CRAMP1: variants seen among roughly 807,000 people sequenced by gnomAD.
CRAMP1 encodes the protein cramped chromatin regulator 1, also known as protein cramped-like.
In CRAMP1, 50 loss-of-function variants were observed where a neutral mutation model predicts 115.4. The ratio of observed to expected loss-of-function variants is 0.43; its 90% CI spans 0.35 to 0.55. CRAMP1 has a LOEUF of 0.55. Among genes scored for constraint, CRAMP1 ranks in the 20% least tolerant of loss-of-function variants. The probability of loss-of-function intolerance (pLI) is 0.01; values close to 1 mark genes in which losing one functional copy is unlikely to be tolerated. For synonymous variants in CRAMP1, 866 were observed against 745.4 expected, an observed-to-expected ratio of 1.16 and a Z score of -2.64; for missense variants, 1,679 against 1,721.7, an observed-to-expected ratio of 0.98 and a Z score of 0.44.
chr16:1,613,118 G>C (rs557563809), intron 1 of CRAMP1, among the ~76,000 whole-genome samples: 21 of 152,144 alleles, frequency 1.4e-4, no homozygotes, highest in Non-Finnish European at 2.6e-4. Context: ...CCCGAGACGA[G>C]GTCTTTGGGG....
chr16:1,656,925 C>G lies in CRAMP1; in HGVS notation c.2168C>G (p.Ala723Gly). 6.4e-7 allele frequency: 1 copy of G among 1,558,464 alleles called. No individual in the cohort carries two copies. Among genetic ancestry groups the G allele is most frequent in the Non-Finnish European group, 8.7e-7 (1 of 1,151,642 alleles). The change falls in exon 10 of 21, where the codon GCC (alanine) becomes GGC (glycine). Residue 723 changes from alanine (A) to glycine (G), a missense_variant. Physicochemically the swap from Ala to Gly is moderately conservative, Grantham distance 60 (BLOSUM62 0). Around this residue, in one of 8 missense-constraint regions of CRAMP1, gnomAD observed 709 missense variants for 741.9 expected, o/e 0.96. Coordinates refer to ENST00000397412, the MANE Select transcript of CRAMP1 (RefSeq NM_020825.4). This position sits in a 1 kb window ranked among gnomAD's most constrained non-coding sequence, Gnocchi z 5.6. ...QDPRPGSLPT[A>G]LHKQRLLSCL... is the part of the protein sequence containing the mutation. Reference sequence around the variant, plus strand: ...CCCCGCCCCGGCTCCCTACCCACCGCCCTCCACAAGCAGCGCCTCCTCAGC... The same window carrying G: ...CCCCGCCCCGGCTCCCTACCCACCGGCCTCCACAAGCAGCGCCTCCTCAGC...
At chr16:1,615,500 A>G (rs2036411303) in intron 2 of CRAMP1, among the ~76,000 whole-genome samples, 1 of 152,164 alleles carries the variant, frequency 6.6e-6, no homozygotes, top group Non-Finnish European at 1.5e-5. Flanking sequence ...GAGAGTAGGA[A>G]GGGCATAGAG....
chr16:1,667,856 A>G (rs2036889230), intron 17 of CRAMP1, 106 bp from the exon 18 acceptor site: 2 of 694,460 alleles, frequency 2.9e-6, no homozygotes, highest in Non-Finnish European at 5.0e-6. Context: ...AGCGCTCATC[A>G]CCCTATTGAT....
intron 8 of CRAMP1, among the ~76,000 whole-genome samples, chr16:1,654,887 G>A (rs896914415): frequency 2.6e-5 from 4 of 152,232 alleles, no homozygotes; most frequent in Non-Finnish European, 4.4e-5. Context: ...AGGCCCGCCC[G>A]CCCTTGAAGC....
At chr16:1,663,029 C>T (rs1366023289) in intron 13 of CRAMP1, among the ~76,000 whole-genome samples, 194 bp downstream of exon 13, 1 of 152,226 alleles carries the variant, frequency 6.6e-6, no homozygotes, top group Non-Finnish European at 1.5e-5. Context: ...GGTAATCTTT[C>T]AATAACATGG....
At chr16:1,626,979 A>G (rs2036513379) in intron 3 of CRAMP1, among the ~76,000 whole-genome samples, 1 of 152,220 alleles carries the variant, frequency 6.6e-6, no homozygotes, top group Non-Finnish European at 1.5e-5. Context: ...GGCCCTGGCC[A>G]GCCACTGCTC....
chr16:1,644,928 C>A (rs945904562), intron 6 of CRAMP1, among the ~76,000 whole-genome samples: 5 of 152,054 alleles, frequency 3.3e-5, no homozygotes, highest in Non-Finnish European at 5.9e-5. Context: ...TCTCAAACTC[C>A]TGGGCTCAAG....
At chr16:1,650,775 G>T (rs1421983329) in intron 6 of CRAMP1, among the ~76,000 whole-genome samples, 1 of 152,246 alleles carries the variant, frequency 6.6e-6, no homozygotes, top group Non-Finnish European at 1.5e-5. Flanking sequence ...CCTGACGTGT[G>T]CAACTGGGAG....
Position 1,668,154 on chromosome 16 carries a change from G to A in CRAMP1, c.3295G>A (p.Asp1099Asn), listed in dbSNP as rs759832189. The A allele has an allele frequency of 5.0e-6, 8 of 1,613,508 alleles. No individual in the cohort carries two copies. Among genetic ancestry groups the A allele is most frequent in the East Asian group, 4.5e-5 (2 of 44,900 alleles). Residue 1099 changes from aspartate (D) to asparagine (N), a missense_variant, in exon 18 of 21, where the codon GAC becomes AAC. This residue lies in a region of CRAMP1 where 709 missense variants were observed against 741.9 expected (regional missense o/e 0.96). Coordinates refer to ENST00000397412, the MANE Select transcript of CRAMP1 (RefSeq NM_020825.4). ...SQGEPATHIS[D>N]SIIEIAISSG... ...GGGCGAGCCTGCCACACACATTAGC[G>A]ACTCCATCATTGAGATCGCCATCAG...
At chr16:1,641,764 G>A (rs550313828) in intron 6 of CRAMP1, among the ~76,000 whole-genome samples, 4 of 152,266 alleles carry the variant, frequency 2.6e-5, no homozygotes, top group South Asian at 2.1e-4. Context: ...GCAGGGCCCC[G>A]CCACCCTACT....
intron 4 of CRAMP1, 82 bp downstream of exon 4, chr16:1,632,447 C>A: frequency 9.5e-6 from 13 of 1,365,048 alleles, no homozygotes; most frequent in Non-Finnish European, 1.3e-5. Context: ...AGCAAGCCCG[C>A]CGGACCTGCT....
At chr16:1,633,607 T>C (rs1252389600) in intron 4 of CRAMP1, among the ~76,000 whole-genome samples, 1 of 152,240 alleles carries the variant, frequency 6.6e-6, no homozygotes, top group Non-Finnish European at 1.5e-5. Context: ...GCTCACTTGT[T>C]TATTTGAAAT....
chr16:1,668,141 C>T lies in CRAMP1; in HGVS notation c.3282C>T (p.Ala1094=). 6.2e-7 allele frequency: 1 copy of T among 1,613,724 alleles called. No homozygotes were observed. The highest frequency in any genetic ancestry group is 8.5e-7 in the Non-Finnish European group (1 of 1,179,886). ...ATGCGCTGTCACAGGGCGAGCCTGC[C>T]ACACACATTAGCGACTCCATCATTG... The part of the protein sequence containing the change: ...PEDALSQGEP[A]THISDSIIEI... Residue 1094 remains alanine, a synonymous_variant, in exon 18 of 21, where the codon GCC becomes GCT. Coordinates refer to ENST00000397412, the MANE Select transcript of CRAMP1 (RefSeq NM_020825.4).
chr16:1,656,528 C>G lies in CRAMP1; in HGVS notation c.1771C>G (p.Leu591Val), dbSNP rs767241110. 1.2e-5 allele frequency: 18 copies of G among 1,558,964 alleles called. No homozygotes were observed. Among genetic ancestry groups the G allele is most frequent in the Admixed American group, 1.9e-5 (1 of 52,120 alleles). Reference sequence around the variant, plus strand: ...ACGGCCTGGGAGCGAGCAGCCCCCTCTGGGCGGGGCGGCCTCCCCAGAGGT... The same window carrying G: ...ACGGCCTGGGAGCGAGCAGCCCCCTGTGGGCGGGGCGGCCTCCCCAGAGGT... ...DTRPGSEQPPLGGAASPEVLA... is the reference protein window; with the variant it reads ...DTRPGSEQPPVGGAASPEVLA... The change falls in exon 10 of 21, where the codon CTG becomes GTG. Residue 591 changes from leucine to valine, a missense_variant. Leu to Val is a conservative substitution (Grantham distance 32). Coordinates refer to ENST00000397412, the MANE Select transcript of CRAMP1 (RefSeq NM_020825.4). The surrounding 1 kb of genome is among the most constrained non-coding windows in gnomAD (Gnocchi z 5.6).
intron 18 of CRAMP1, 21 bp from the exon 19 acceptor site, chr16:1,668,980 A>C: frequency 6.2e-7 from 1 of 1,612,392 alleles, no homozygotes. Flanking sequence ...GGCGTTTCTG[A>C]TCTGGGATCT....
chr16:1,660,046 C>T lies in CRAMP1; in HGVS notation c.2396C>T (p.Ser799Phe), dbSNP rs2036814401. 6.3e-7 allele frequency: 1 copy of T among 1,585,994 alleles called. No individual in the cohort carries two copies. The highest frequency in any genetic ancestry group is 1.1e-5 in the South Asian group (1 of 89,098). The change falls in exon 11 of 21, where the codon TCT becomes TTT. Residue 799 changes from serine to phenylalanine, a missense_variant. This residue lies in a region of CRAMP1 where 709 missense variants were observed against 741.9 expected (regional missense o/e 0.96). Transcript: ENST00000397412. ...LRSSKTFPPS[S>F]APCSSGLRNP... ...AGCAGCAAGACCTTCCCGCCCAGCT[C>T]TGCACCCTGCTCCTCAGGTGAGGCT...
At chr16:1,620,723 C>T (rs886320172) in intron 2 of CRAMP1, 1 of 455,452 alleles carries the variant, frequency 2.2e-6, no homozygotes, top group Non-Finnish European at 4.4e-6. Flanking sequence ...CTTTCCCAGG[C>T]TGAGGGAGGG....
chr16:1,632,093 C>T, intron 3 of CRAMP1, 119 bp from the exon 4 acceptor site: 1 of 1,084,416 alleles, frequency 9.2e-7, no homozygotes, highest in Non-Finnish European at 1.3e-6. Flanking sequence ...GGAAGGGCTG[C>T]TTGTTTGACT....
Position 1,674,525 on chromosome 16 carries a change from A to G in CRAMP1, c.*480A>G. 6.0e-6 allele frequency: 1 copy of G among 167,856 alleles called. No homozygotes were observed. The highest frequency in any genetic ancestry group is 1.3e-5 in the Non-Finnish European group (1 of 77,334). The allele number at this position is 167,856 out of a possible 1,614,324, so 10.4% of individuals were successfully genotyped here. A position where few individuals can be genotyped will look rare whatever the true frequency, so the allele number is the denominator to read the frequency against. ...ATCAGCTGTGCCCTCTGTGGACTGT[A>G]ACGGGCAGGACAGTTGGGTGTGGCC... On this transcript the variant is annotated 3_prime_UTR_variant, in exon 21 of 21. Coordinates refer to ENST00000397412, the MANE Select transcript of CRAMP1 (RefSeq NM_020825.4).
Sources: gnomAD v4.1 joint callset for allele counts (sites outside exome capture counted in the v4.1 genomes callset) on GRCh38, gnomAD v4.1.1 for gene constraint, gnomAD v4.1.1 regional missense constraint, Gnocchi (gnomAD v3.1) non-coding constraint, MANE v1.5 for transcripts, NCBI Gene and HGNC (gene_info 2026-07-23, HGNC 2026-07-21) for gene names.